The following IL23A variants were observed in gnomAD, a reference collection of about 807,000 sequenced individuals.
IL23A encodes interleukin 23 subunit alpha.
A neutral mutation model predicts 20.7 loss-of-function variants in IL23A; 16 were observed. The observed-to-expected ratio is 0.77, with a 90% CI of 0.52 to 1.17. The LOEUF (loss-of-function observed/expected upper bound fraction) is 1.17. Among genes scored for constraint, IL23A ranks in the 50% most tolerant of loss-of-function variants. IL23A has a pLI of 0.00. For missense variants in IL23A, 175 were observed against 229.5 expected (o/e 0.76, Z 1.53); for synonymous variants, 80 against 88.7 (o/e 0.90, Z 0.55).
intron 3 of IL23A, 27 bp from the exon 4 acceptor site, chr12:56,339,916 C>T (rs1317865310): frequency 6.2e-7 from 1 of 1,613,696 alleles, no homozygotes; most frequent in African/African-American, 1.3e-5. Flanking sequence ...TTAGAGTCTT[C>T]TCTGACTGTG....
rs770394285 is a variant in IL23A at position 56,339,519 on chromosome 12, A to C, written c.256A>C (p.Ser86Arg). The C allele has an allele frequency of 6.2e-6, 10 of 1,608,764 alleles. No individual in the cohort carries two copies. The East Asian group carries it at 8.9e-5, about 14-fold the overall frequency. ...TGACCCCCAAGGACTCAGGGACAAC[A>C]GTCAGGTACCACTGGGATGTGGCTG... ...GCDPQGLRDNSQFCLQRIHQG... is the reference protein window; with the variant it reads ...GCDPQGLRDNRQFCLQRIHQG... Residue 86 changes from serine to arginine, a missense_variant, in exon 2 of 4, where the codon AGT becomes CGT. Coordinates refer to ENST00000228534, the MANE Select transcript of IL23A (RefSeq NM_016584.3).
At position 56,339,663 on chromosome 12, in the gene IL23A, C is replaced by T. The variant is rs770482196; in HGVS notation, c.262-28C>T. The T allele has an allele frequency of 3.1e-6, 5 of 1,610,268 alleles. No individual in the cohort carries two copies. In the South Asian group the frequency reaches 3.3e-5, roughly 11 times the overall value. On this transcript the variant is annotated intron_variant, in intron 2 of 3. Transcript: ENST00000228534. ...GTGAATGGAGTAGGAAGAGGGTGTC[C>T]TCTTTCATTGCTTTCTTTTCTCCCT...
In IL23A at chr12:56,340,092, C is replaced by T. The variant is rs749346594; in HGVS notation, c.558C>T (p.Thr186=). ...AARVFAHGAA[T]LSP ...GGGTCTTTGCCCATGGAGCAGCAAC[C>T]CTGAGTCCCTAAAGGCAGCAGCTCA... Residue 186 remains threonine, a synonymous_variant, in exon 4 of 4, where the codon ACC becomes ACT. Transcript: ENST00000228534. The T allele has an allele frequency of 6.2e-7, 1 of 1,614,064 alleles. No homozygotes were observed. The highest frequency in any genetic ancestry group is 8.5e-7 in the Non-Finnish European group (1 of 1,179,970).
At position 56,340,278 on chromosome 12, in the gene IL23A, G is replaced by A. The variant is rs1234266977; in HGVS notation, c.*174G>A. On this transcript the variant is annotated 3_prime_UTR_variant, in exon 4 of 4. Coordinates refer to ENST00000228534, the MANE Select transcript of IL23A (RefSeq NM_016584.3). Reference sequence around the variant, plus strand: ...GACATGTGATGCTGACCTATGATAAGGTTGAGTATTTATTAGATGGGAAGG... The same window carrying A: ...GACATGTGATGCTGACCTATGATAAAGTTGAGTATTTATTAGATGGGAAGG... The A allele has an allele frequency of 3.1e-6, 2 of 640,312 alleles. No individual in the cohort carries two copies. Among genetic ancestry groups the A allele is most frequent in the Non-Finnish European group, 5.2e-6 (2 of 384,724 alleles). 39.7% of individuals were successfully genotyped at this position (640,312 alleles called of 1,614,324 possible). A position where few individuals can be genotyped will look rare whatever the true frequency, so the allele number is the denominator to read the frequency against.
rs376972183 is a variant in IL23A at position 56,340,142 on chromosome 12, C to T, written c.*38C>T. On this transcript the variant is annotated 3_prime_UTR_variant, in exon 4 of 4. Coordinates refer to ENST00000228534, the MANE Select transcript of IL23A (RefSeq NM_016584.3). Reference sequence around the variant, plus strand: ...AAGGATGGCACTCAGATCTCCATGGCCCAGCAAGGCCAAGATAAATCTACC... The same window carrying T: ...AAGGATGGCACTCAGATCTCCATGGTCCAGCAAGGCCAAGATAAATCTACC... The T allele has an allele frequency of 3.1e-6, 5 of 1,596,042 alleles. No individual in the cohort carries two copies. The African/African-American group carries it at 6.7e-5, about 21-fold the overall frequency.
In IL23A at chr12:56,340,367, T is replaced by C. The variant is rs199962292; in HGVS notation, c.*263T>C. On this transcript the variant is annotated 3_prime_UTR_variant, in exon 4 of 4. Transcript: ENST00000228534. ...GGGAGGATTATTTATTGTATTTATA[T>C]TGAATTATGTACTTTTTTCAATAAA... 2.5e-5 allele frequency: 10 copies of C among 393,588 alleles called. No individual in the cohort carries two copies. Among genetic ancestry groups the C allele is most frequent in the Non-Finnish European group, 4.1e-5 (9 of 219,978 alleles). The allele number at this position is 393,588 out of a possible 1,614,324, so 24.4% of individuals were successfully genotyped here. A position where few individuals can be genotyped will look rare whatever the true frequency, so the allele number is the denominator to read the frequency against.
At chr12:56,339,354 C>T in intron 1 of IL23A, 72 bp from the exon 2 acceptor site, 1 of 1,381,678 alleles carries the variant, frequency 7.2e-7, no homozygotes. Flanking sequence ...GAGTCATGGG[C>T]CTGAGGGTCC....
chr12:56,339,482 T>A lies in IL23A; in HGVS notation c.219T>A (p.Cys73Ter). The change falls in exon 2 of 4, where the codon TGT (cysteine) becomes TGA (stop). Residue 73 changes from cysteine (C) to a stop codon, truncating the protein, a stop_gained. Coordinates refer to ENST00000228534, the MANE Select transcript of IL23A (RefSeq NM_016584.3). LOFTEE classifies it high-confidence loss of function. ...CAAATGATGTTCCCCATATCCAGTG[T>A]GGAGATGGCTGTGACCCCCAAGGAC... is the stretch of plus-strand genomic sequence containing the variant. ...ETTNDVPHIQ[C>*]GDGCDPQGLR... The A allele has an allele frequency of 1.2e-6, 2 of 1,612,998 alleles. No homozygotes were observed. Among genetic ancestry groups the A allele is most frequent in the African/African-American group, 2.7e-5 (2 of 74,964 alleles).
In IL23A at chr12:56,339,031, A is replaced by T. The variant is rs779231443; in HGVS notation, c.-14A>T. 5 of 1,380,988 alleles carry T rather than the reference A, an allele frequency of 3.6e-6. No homozygotes were observed. In the Admixed American group the frequency reaches 1.3e-4, roughly 37 times the overall value. 85.5% of individuals were successfully genotyped at this position (1,380,988 alleles called of 1,614,324 possible). ...AGGCGCAGAGCCAGCCAGATTTGAG[A>T]AGAAGGCAAAAAGATGCTGGGGAGC... On this transcript the variant is annotated 5_prime_UTR_variant, in exon 1 of 4. Transcript: ENST00000228534.
chr12:56,339,239 C>T (rs1454182518), intron 1 of IL23A, 33 bp downstream of exon 1: 2 of 1,531,902 alleles, frequency 1.3e-6, no homozygotes, highest in Admixed American at 2.1e-5. Context: ...TAACAGGAGT[C>T]CAGGCTCTCC....
chr12:56,339,845 G>A lies in IL23A; in HGVS notation c.408+8G>A, dbSNP rs771223487. ...CTCAGCCAACTCCTGCAGGTATGAA[G>A]TAGGGGCGTGGAGGATGGGGGCTTG... On this transcript the variant is annotated splice_region_variant and intron_variant, in intron 3 of 3. Transcript: ENST00000228534. 2.0e-5 allele frequency: 33 copies of A among 1,611,972 alleles called. No individual in the cohort carries two copies. The highest frequency in any genetic ancestry group is 1.7e-4 in the Middle Eastern group (1 of 6,050).
chr12:56,339,734 A>C lies in IL23A; in HGVS notation c.305A>C (p.Lys102Thr), dbSNP rs1876417651. 6.2e-7 allele frequency: 1 copy of C among 1,613,868 alleles called. No homozygotes were observed. ...RIHQGLIFYE[K>T]LLGSDIFTGE... is the part of the protein sequence containing the mutation. ...CACCAGGGTCTGATTTTTTATGAGA[A>C]GCTGCTAGGATCGGATATTTTCACA... Residue 102 changes from lysine (K) to threonine (T), a missense_variant, in exon 3 of 4, where the codon AAG (lysine) becomes ACG (threonine). By Grantham distance (78) the Lys-to-Thr change is moderately conservative. Coordinates refer to ENST00000228534, the MANE Select transcript of IL23A (RefSeq NM_016584.3).
At position 56,339,940 on chromosome 12, in the gene IL23A, C is replaced by T; in HGVS notation, c.409-3C>T. On this transcript the variant is annotated splice_polypyrimidine_tract_variant and splice_region_variant and intron_variant, in intron 3 of 3. Transcript: ENST00000228534. ...TCTCTGACTGTGTCCTATGTCCTTT[C>T]AGCCTGAGGGTCACCACTGGGAGAC... is the stretch of plus-strand genomic sequence containing the variant. 1 of 1,614,048 alleles carries T rather than the reference C, an allele frequency of 6.2e-7. No homozygotes were observed. The highest frequency in any genetic ancestry group is 8.5e-7 in the Non-Finnish European group (1 of 1,179,998).
chr12:56,339,127 C>T lies in IL23A; in HGVS notation c.83C>T (p.Pro28Leu). The T allele has an allele frequency of 6.3e-7, 1 of 1,586,134 alleles. No homozygotes were observed. Among genetic ancestry groups the T allele is most frequent in the Non-Finnish European group, 8.6e-7 (1 of 1,162,296 alleles). Reference protein sequence around the residue: ...QGRAVPGGSSPAWTQCQQLSQ... With the variant: ...QGRAVPGGSSLAWTQCQQLSQ... ...AGAGCTGTGCCTGGGGGCAGCAGCC[C>T]TGCCTGGACTCAGTGCCAGCAGCTT... Residue 28 changes from proline to leucine, a missense_variant, in exon 1 of 4, where the codon CCT becomes CTT. Physicochemically the swap from Pro to Leu is moderately conservative, Grantham distance 98. Transcript: ENST00000228534.
chr12:56,339,041 A>G lies in IL23A; in HGVS notation c.-4A>G. 7.2e-7 allele frequency: 1 copy of G among 1,384,896 alleles called. No individual in the cohort carries two copies. Among genetic ancestry groups the G allele is most frequent in the Non-Finnish European group, 9.4e-7 (1 of 1,059,294 alleles). The allele number at this position is 1,384,896 out of a possible 1,614,324, so 85.8% of individuals were successfully genotyped here. A position where few individuals can be genotyped will look rare whatever the true frequency, so the allele number is the denominator to read the frequency against. ...CCAGCCAGATTTGAGAAGAAGGCAA[A>G]AAGATGCTGGGGAGCAGAGCTGTAA... On this transcript the variant is annotated 5_prime_UTR_variant, in exon 1 of 4. Transcript: ENST00000228534.
chr12:56,339,396 T>C, intron 1 of IL23A, 30 bp from the exon 2 acceptor site: 1 of 1,533,492 alleles, frequency 6.5e-7, no homozygotes, highest in Non-Finnish European at 9.0e-7. Flanking sequence ...TCTTACTTCT[T>C]CATTCTTTCC....
intron 3 of IL23A, 24 bp downstream of exon 3, chr12:56,339,861 T>C (rs1281675098): frequency 1.2e-6 from 2 of 1,609,906 alleles, no homozygotes; most frequent in Non-Finnish European, 1.7e-6. Context: ...GCGTGGAGGA[T>C]GGGGGCTTGC....
At position 56,339,793 on chromosome 12, in the gene IL23A, G is replaced by T. The variant is rs1326835082; in HGVS notation, c.364G>T (p.Gly122Cys). 13 of 1,613,916 alleles carry T rather than the reference G, an allele frequency of 8.1e-6. No homozygotes were observed. The highest frequency in any genetic ancestry group is 1.1e-5 in the Non-Finnish European group (13 of 1,179,914). Residue 122 changes from glycine to cysteine, a missense_variant, in exon 3 of 4, where the codon GGC becomes TGC. By Grantham distance (159) the Gly-to-Cys change is radical. Transcript: ENST00000228534. ...TTCTCTGCTCCCTGATAGCCCTGTGGGCCAGCTTCATGCCTCCCTACTGGG... is the reference window on the plus strand; with the variant it reads ...TTCTCTGCTCCCTGATAGCCCTGTGTGCCAGCTTCATGCCTCCCTACTGGG... Reference protein sequence around the residue: ...EPSLLPDSPVGQLHASLLGLS... With the variant: ...EPSLLPDSPVCQLHASLLGLS...
rs754421582 is a variant in IL23A, at chr12:56,339,092, A to G, written c.48A>G (p.Thr16=). The G allele has an allele frequency of 6.5e-6, 10 of 1,530,174 alleles. No homozygotes were observed. The East Asian group carries it at 1.8e-4, about 28-fold the overall frequency. The allele number at this position is 1,530,174 out of a possible 1,614,324, so 94.8% of individuals were successfully genotyped here. The stretch of plus-strand genomic sequence containing the variant: ...TGCTGCTGTTGCTGCTGCCCTGGAC[A>G]GCTCAGGGCAGAGCTGTGCCTGGGG... ...AVMLLLLLPW[T]AQGRAVPGGS... The change falls in exon 1 of 4, where the codon ACA becomes ACG. Residue 16 remains threonine (T), a synonymous_variant. Transcript: ENST00000228534.
Sources: allele counts gnomAD v4.1 joint callset, GRCh38; gene constraint gnomAD v4.1.1; transcripts MANE v1.5; gene names NCBI Gene and HGNC (gene_info 2026-07-23, HGNC 2026-07-21).